The following PWP1 variants were observed in gnomAD, a reference collection of about 807,000 sequenced individuals.
The protein encoded by PWP1 is periodic tryptophan protein 1 homolog.
A neutral mutation model predicts 69.9 loss-of-function variants in PWP1; 47 were observed. The observed-to-expected ratio is 0.67, with a 90% confidence interval of 0.53 to 0.86. PWP1 has a LOEUF of 0.86. Among genes scored for constraint, PWP1 ranks in the 40% least tolerant of loss-of-function variants. The pLI, the probability that PWP1 is intolerant of heterozygous loss-of-function variation, is 0.00. For synonymous variants in PWP1, 222 were observed against 208.2 expected (o/e 1.07, Z -0.57); for missense variants, 551 against 608.8 (o/e 0.91, Z 1.00).
chr12:107,711,018 G>T (rs1259132623), intron 14 of PWP1, among the ~76,000 whole-genome samples: 1 of 152,106 alleles, frequency 6.6e-6, no homozygotes, highest in Non-Finnish European at 1.5e-5. Context: ...GAAATCAGGG[G>T]TCTCACAGCC....
chr12:107,700,842 A>G (rs983772808), intron 8 of PWP1, among the ~76,000 whole-genome samples: 1 of 152,194 alleles, frequency 6.6e-6, no homozygotes, highest in Non-Finnish European at 1.5e-5. Context: ...TGTTTTTCAT[A>G]ATAGCCATCC....
chr12:107,710,550 T>C, intron 14 of PWP1, 40 bp downstream of exon 14: 3 of 1,111,348 alleles, frequency 2.7e-6, no homozygotes, highest in East Asian at 3.0e-5. Context: ...CCCCTGCCCC[T>C]GTAAAAAAAA....
chr12:107,702,617 A>T (rs1205409962), intron 8 of PWP1, among the ~76,000 whole-genome samples: 1 of 152,172 alleles, frequency 6.6e-6, no homozygotes, highest in African/African-American at 2.4e-5. Context: ...AGAAAGAAAA[A>T]AGTCATCAGA....
chr12:107,712,059 C>T, intron 14 of PWP1, 52 bp from the exon 15 acceptor site: 1 of 1,465,586 alleles, frequency 6.8e-7, no homozygotes, highest in Non-Finnish European at 9.5e-7. Context: ...TTTTTATATT[C>T]TGACTTAATT....
At position 107,708,931 on chromosome 12, in the gene PWP1, T is replaced by A; in HGVS notation, c.1083T>A (p.Ser361Arg). 6.2e-7 allele frequency: 1 copy of A among 1,613,084 alleles called. No individual in the cohort carries two copies. Among genetic ancestry groups the A allele is most frequent in the Non-Finnish European group, 8.5e-7 (1 of 1,179,740 alleles). The change falls in exon 12 of 15, where the codon AGT becomes AGA. Residue 361 changes from serine (S) to arginine (R), a missense_variant. By Grantham distance (110) the Ser-to-Arg change is moderately radical. Coordinates refer to ENST00000412830, the MANE Select transcript of PWP1 (RefSeq NM_007062.3). ...CCATCTTTTACTCTTTCTAGGCCAGTACAGATGACGGCTTTGTATATAATT... is the reference window on the plus strand; with the variant it reads ...CCATCTTTTACTCTTTCTAGGCCAGAACAGATGACGGCTTTGTATATAATT... Reference protein sequence around the residue: ...NHFSPCHFLASTDDGFVYNLD... With the variant: ...NHFSPCHFLARTDDGFVYNLD...
At chr12:107,689,292 TATC>T (rs1427534713) in intron 3 of PWP1, among the ~76,000 whole-genome samples, 2 of 152,210 alleles carry the variant, frequency 1.3e-5, no homozygotes, top group South Asian at 4.1e-4. Flanking sequence ...TACAGTATAT[TATC>T]ATTATTTGAT....
At chr12:107,685,999 G>A in intron 1 of PWP1, 28 bp downstream of exon 1, 1 of 1,611,238 alleles carries the variant, frequency 6.2e-7, no homozygotes, top group Non-Finnish European at 8.5e-7. Flanking sequence ...GGAGACAAGG[G>A]GAGCAGCGTC....
intron 3 of PWP1, among the ~76,000 whole-genome samples, chr12:107,689,614 C>T (rs1322869856): frequency 4.6e-5 from 7 of 152,128 alleles, no homozygotes; most frequent in African/African-American, 7.2e-5. Flanking sequence ...GGCGTGGTGG[C>T]GCACATCTGT....
At chr12:107,696,240 C>G (rs1212759346) in intron 5 of PWP1, among the ~76,000 whole-genome samples, 2 of 151,924 alleles carry the variant, frequency 1.3e-5, no homozygotes, top group Non-Finnish European at 2.9e-5. Context: ...ATTGTGTTGG[C>G]CAGGCTGGTC....
intron 11 of PWP1, 47 bp downstream of exon 11, chr12:107,704,794 CTT>C (rs770053591): frequency 2.5e-5 from 36 of 1,458,078 alleles, no homozygotes; most frequent in Non-Finnish European, 3.2e-5. Flanking sequence ...TTGCTAATGA[CTT>C]TTTAAATTCC....
Position 107,685,987 on chromosome 12 carries a change from T to C in PWP1, c.72+16T>C, listed in dbSNP as rs1256466833. ...ACCAGACAAGGTGAGGCCTGGTCGCTGGGAGACAAGGGGAGCAGCGTCTTT... is the reference window on the plus strand; with the variant it reads ...ACCAGACAAGGTGAGGCCTGGTCGCCGGGAGACAAGGGGAGCAGCGTCTTT... On this transcript the variant is annotated intron_variant, in intron 1 of 14. Coordinates refer to ENST00000412830, the MANE Select transcript of PWP1 (RefSeq NM_007062.3). The C allele has an allele frequency of 2.5e-6, 4 of 1,613,242 alleles. No homozygotes were observed. In the Admixed American group the frequency reaches 5.0e-5, roughly 20 times the overall value.
At chr12:107,710,552 T>TAAAAAAA (rs35371581) in intron 14 of PWP1, 42 bp downstream of exon 14, 40 of 1,158,042 alleles carry the variant, frequency 3.5e-5, no homozygotes, top group Middle Eastern at 3.9e-4. Context: ...CCTGCCCCTG[T>TAAAAAAA]AAAAAAAAAA....
At chr12:107,711,225 C>T (rs1889946528) in intron 14 of PWP1, among the ~76,000 whole-genome samples, 1 of 152,224 alleles carries the variant, frequency 6.6e-6, no homozygotes, top group South Asian at 2.1e-4. Context: ...ATCGAGATCG[C>T]TCATGCTATT....
At chr12:107,688,581 T>C in intron 2 of PWP1, 34 bp from the exon 3 acceptor site, 1 of 1,610,570 alleles carries the variant, frequency 6.2e-7, no homozygotes, top group Non-Finnish European at 8.5e-7. Flanking sequence ...AAGGTAGCAT[T>C]TGGGTGATTC....
intron 7 of PWP1, among the ~76,000 whole-genome samples, chr12:107,698,039 AC>A (rs919514939): frequency 1.3e-5 from 2 of 152,194 alleles, no homozygotes; most frequent in Non-Finnish European, 1.5e-5. Context: ...CTATATTGAT[AC>A]TTGTATAATT....
intron 14 of PWP1, among the ~76,000 whole-genome samples, chr12:107,711,652 G>A (rs1889954671): frequency 6.6e-6 from 1 of 152,100 alleles, no homozygotes; most frequent in Non-Finnish European, 1.5e-5. Context: ...CAAACACAGA[G>A]ATAATATATA....
intron 1 of PWP1, chr12:107,686,271 TG>T: frequency 4.0e-6 from 2 of 500,636 alleles, no homozygotes; most frequent in Non-Finnish European, 7.3e-6. Context: ...CTGTTTTTGG[TG>T]GGTAATACCC....
chr12:107,700,840 A>C (rs1889694151), intron 8 of PWP1, among the ~76,000 whole-genome samples: 1 of 152,194 alleles, frequency 6.6e-6, no homozygotes, highest in Non-Finnish European at 1.5e-5. Flanking sequence ...TCTGTTTTTC[A>C]TAATAGCCAT....
rs1251499885 is a variant in PWP1 at position 107,704,670 on chromosome 12, G to A, written c.1000G>A (p.Glu334Lys). The A allele has an allele frequency of 1.2e-6, 2 of 1,613,860 alleles. No individual in the cohort carries two copies. The highest frequency in any genetic ancestry group is 1.7e-6 in the Non-Finnish European group (2 of 1,179,922). The change falls in exon 11 of 15, where the codon GAA (glutamate) becomes AAA (lysine). Residue 334 changes from glutamate to lysine, a missense_variant. Physicochemically the swap from Glu to Lys is moderately conservative, Grantham distance 56. Coordinates refer to ENST00000412830, the MANE Select transcript of PWP1 (RefSeq NM_007062.3). ...TTTGTATGACTGCCGAAGTCCAGAT[G>A]AAAGCCATCGAATGTGGCGATTCAG... ...VALYDCRSPD[E>K]SHRMWRFSGQ...
Sources: allele counts gnomAD v4.1 joint callset (sites outside exome capture counted in the v4.1 genomes callset), GRCh38; gene constraint gnomAD v4.1.1; transcripts MANE v1.5; gene names NCBI Gene and HGNC (gene_info 2026-07-23, HGNC 2026-07-21).